The following CNTNAP2 variants were observed in gnomAD, a reference collection of about 807,000 sequenced individuals.
The protein encoded by CNTNAP2 is contactin-associated protein-like 2.
In CNTNAP2, 98 loss-of-function variants were observed where a neutral mutation model predicts 155.2. That is an observed-to-expected ratio of 0.63 (90% CI 0.54 to 0.75). CNTNAP2 has a LOEUF of 0.75. Ranked by LOEUF, CNTNAP2 falls within the 30% of genes least tolerant of loss-of-function variation. CNTNAP2 has a pLI of 0.00. For missense variants in CNTNAP2, 1,727 were observed against 1,688.1 expected (o/e 1.02, Z -0.40); for synonymous variants, 651 against 631.2 (o/e 1.03, Z -0.47).
At chr7:148,089,905 C>T (rs77543490) in intron 15 of CNTNAP2, among the ~76,000 whole-genome samples, 105 of 151,902 alleles carry the variant, frequency 6.9e-4, no homozygotes, top group Non-Finnish European at 1.4e-3. Context: ...ATAAAAACAG[C>T]ATAGACTAGC....
intron 1 of CNTNAP2, among the ~76,000 whole-genome samples, chr7:146,195,426 TTAAAATTGCTTTCATTCTTTCTCA>T (rs1798761575): frequency 6.6e-6 from 1 of 152,158 alleles, no homozygotes; most frequent in African/African-American, 2.4e-5. Context: ...CTGACACAGT[TTAAAATTGCTTTCATTCTTTCTCA>T]ACACTTTTCA....
intron 14 of CNTNAP2, among the ~76,000 whole-genome samples, chr7:147,954,973 C>T (rs1800994632): frequency 6.6e-6 from 1 of 152,232 alleles, no homozygotes; most frequent in South Asian, 2.1e-4. Context: ...TAAAAAACAG[C>T]TACACCCACT....
chr7:148,113,840 G>A (rs997854466), intron 15 of CNTNAP2, among the ~76,000 whole-genome samples: 27 of 152,302 alleles, frequency 1.8e-4, no homozygotes, highest in Middle Eastern at 3.4e-3. Flanking sequence ...CTCCAGCCCC[G>A]GGCTGGGTCT....
At chr7:146,836,465 G>T (rs917690951) in intron 2 of CNTNAP2, among the ~76,000 whole-genome samples, 1 of 152,210 alleles carries the variant, frequency 6.6e-6, no homozygotes. Context: ...GAAAATGTTT[G>T]CTGACCCTTG....
chr7:146,572,607 A>G (rs10262018), intron 1 of CNTNAP2, among the ~76,000 whole-genome samples: 121,891 of 152,122 alleles, frequency 0.8, 49,354 homozygotes, highest in South Asian at 0.89. Context: ...GGACATGAAC[A>G]TATTCTCCAA....
At chr7:146,605,305 T>C (rs1246290023) in intron 1 of CNTNAP2, among the ~76,000 whole-genome samples, 1 of 151,238 alleles carries the variant, frequency 6.6e-6, no homozygotes, top group African/African-American at 2.4e-5. Flanking sequence ...AGATGATTGA[T>C]ATTATTATCA....
chr7:146,330,118 G>GTT (rs930995762), intron 1 of CNTNAP2, among the ~76,000 whole-genome samples: 1 of 147,034 alleles, frequency 6.8e-6, no homozygotes, highest in African/African-American at 2.6e-5. Context: ...CGCCTCCCGG[G>GTT]TTCAAGCAAT....
At chr7:147,586,957 A>G (rs143116944) in intron 12 of CNTNAP2, among the ~76,000 whole-genome samples, 479 of 152,282 alleles carry the variant, frequency 3.1e-3, no homozygotes, top group African/African-American at 0.011. Flanking sequence ...AAATCTAGTG[A>G]CACTTCAGTG....
At chr7:147,205,252 T>C (rs1802999870) in intron 8 of CNTNAP2, among the ~76,000 whole-genome samples, 2 of 152,056 alleles carry the variant, frequency 1.3e-5, no homozygotes, top group South Asian at 4.1e-4. Flanking sequence ...CCCTCCCTCC[T>C]TCTAAGTCTC....
chr7:148,035,802 C>A (rs1802563734), intron 15 of CNTNAP2, among the ~76,000 whole-genome samples: 1 of 152,178 alleles, frequency 6.6e-6, no homozygotes, highest in Non-Finnish European at 1.5e-5. Context: ...TATGAAACTC[C>A]AACCCATGAG....
At chr7:146,814,993 T>C (rs1025367245) in intron 2 of CNTNAP2, among the ~76,000 whole-genome samples, 4 of 152,322 alleles carry the variant, frequency 2.6e-5, no homozygotes, top group Non-Finnish European at 5.9e-5. Flanking sequence ...CCTTTATGTT[T>C]TGAAAAATTA....
intron 3 of CNTNAP2, among the ~76,000 whole-genome samples, chr7:146,945,112 G>A (rs912550468): frequency 1.3e-5 from 2 of 152,102 alleles, no homozygotes; most frequent in African/African-American, 2.4e-5. Flanking sequence ...AAGCCTCTAG[G>A]TTTTATTTCT....
At chr7:148,182,697 T>C (rs183204458) in intron 18 of CNTNAP2, among the ~76,000 whole-genome samples, 87 of 152,378 alleles carry the variant, frequency 5.7e-4, no homozygotes, top group African/African-American at 2.0e-3. Context: ...AGGCATTTTA[T>C]ATTTTTCTGT....
At chr7:146,398,298 T>G (rs74697258) in intron 1 of CNTNAP2, among the ~76,000 whole-genome samples, 2,900 of 149,384 alleles carry the variant, frequency 0.019, 93 homozygotes, top group African/African-American at 0.067. Flanking sequence ...TAGGAAGGAA[T>G]CAGGGAACTT....
At chr7:147,657,475 G>A (rs1795543252) in intron 13 of CNTNAP2, among the ~76,000 whole-genome samples, 2 of 151,148 alleles carry the variant, frequency 1.3e-5, no homozygotes, top group African/African-American at 4.9e-5. Context: ...AGGTGAGAAT[G>A]TTGTGGAAAT....
intron 1 of CNTNAP2, among the ~76,000 whole-genome samples, chr7:146,743,742 C>T (rs1446163374): frequency 2.0e-5 from 3 of 152,100 alleles, no homozygotes; most frequent in Non-Finnish European, 4.4e-5. Context: ...ATTTCAAACA[C>T]CATACAATAG....
intron 1 of CNTNAP2, among the ~76,000 whole-genome samples, chr7:146,764,496 T>G (rs1336038158): frequency 6.6e-6 from 1 of 151,454 alleles, no homozygotes; most frequent in African/African-American, 2.4e-5. Flanking sequence ...TCTTTTAAAT[T>G]AGAAGATCAA....
chr7:147,371,595 T>G (rs1796338495), intron 9 of CNTNAP2, among the ~76,000 whole-genome samples: 1 of 152,274 alleles, frequency 6.6e-6, no homozygotes, highest in East Asian at 1.9e-4. Context: ...ATTTAGTCTT[T>G]TGTAGTGTTG....
chr7:148,181,753 T>A (rs1795041173), intron 18 of CNTNAP2, among the ~76,000 whole-genome samples: 6 of 118,910 alleles, frequency 5.0e-5, no homozygotes, highest in Admixed American at 3.5e-4. Flanking sequence ...TTTTTTTTTT[T>A]TTTTTTTTTT....
Sources: gnomAD v4.1 joint callset for allele counts (sites outside exome capture counted in the v4.1 genomes callset) on GRCh38, gnomAD v4.1.1 for gene constraint, MANE v1.5 for transcripts, NCBI Gene and HGNC (gene_info 2026-07-23, HGNC 2026-07-21) for gene names.